Variants in ARHGEF12 observed in about 807,000 individuals in gnomAD.
The protein encoded by ARHGEF12 is Rho guanine nucleotide exchange factor 12.
In ARHGEF12, 66 loss-of-function variants were observed where a neutral mutation model predicts 211.2. The ratio of observed to expected loss-of-function variants is 0.31; its 90% CI spans 0.26 to 0.38. The LOEUF (loss-of-function observed/expected upper bound fraction) is 0.38. Ranked by LOEUF, ARHGEF12 falls within the 10% of genes least tolerant of loss-of-function variation. The probability of loss-of-function intolerance (pLI) is 1.00; values close to 1 mark genes in which losing one functional copy is unlikely to be tolerated. For synonymous variants in ARHGEF12, 592 were observed against 638.4 expected (o/e 0.93, Z 1.09); for missense variants, 1,429 against 1,869.5 (o/e 0.76, Z 4.34).
chr11:120,460,647 C>A, intron 26 of ARHGEF12, 25 bp from the exon 27 acceptor site: 1 of 1,596,610 alleles, frequency 6.3e-7, no homozygotes, highest in Non-Finnish European at 8.6e-7. Context: ...GTGTTACTAA[C>A]GTTTTTCTAT....
chr11:120,377,274 G>C (rs1005740186), intron 1 of ARHGEF12, among the ~76,000 whole-genome samples: 3 of 151,926 alleles, frequency 2.0e-5, no homozygotes, highest in Non-Finnish European at 2.9e-5. Context: ...TGTCACAATA[G>C]TTTTGCCTTT....
At chr11:120,375,736 A>C (rs1423533617) in intron 1 of ARHGEF12, among the ~76,000 whole-genome samples, 4 of 152,056 alleles carry the variant, frequency 2.6e-5, no homozygotes, top group Non-Finnish European at 5.9e-5. Context: ...TAAAGTCTGT[A>C]GTTTATTCAG....
intron 4 of ARHGEF12, among the ~76,000 whole-genome samples, chr11:120,414,425 T>G: frequency 8.6e-6 from 1 of 115,944 alleles, no homozygotes; most frequent in East Asian, 2.2e-4. Flanking sequence ...AATGTTTGAG[T>G]ATTTTATTTA....
intron 1 of ARHGEF12, among the ~76,000 whole-genome samples, chr11:120,397,053 A>G (rs1184762021): frequency 6.6e-6 from 1 of 152,196 alleles, no homozygotes; most frequent in African/African-American, 2.4e-5. Flanking sequence ...ATTCTCCTAA[A>G]AATATTATGA....
At chr11:120,467,353 C>A in intron 29 of ARHGEF12, 45 bp downstream of exon 29, 1 of 1,169,096 alleles carries the variant, frequency 8.6e-7, no homozygotes, top group Non-Finnish European at 1.3e-6. Flanking sequence ...ACAACAACAA[C>A]GAAACACCCA....
At chr11:120,347,183 C>CCTTT (rs58396345) in intron 1 of ARHGEF12, among the ~76,000 whole-genome samples, 1,256 of 100,282 alleles carry the variant, frequency 0.013, 90 homozygotes, top group Admixed American at 0.085. Context: ...TTCCTTCCTT[C>CCTTT]CTTTCTTTCT....
At chr11:120,367,353 CTTTTTTTT>C (rs1025919456) in intron 1 of ARHGEF12, among the ~76,000 whole-genome samples, 23 of 59,350 alleles carry the variant, frequency 3.9e-4, no homozygotes, top group African/African-American at 9.3e-4. Context: ...ATACTTTTTC[CTTTTTTTT>C]TTTTTTTTTT....
intron 1 of ARHGEF12, among the ~76,000 whole-genome samples, chr11:120,352,678 C>T (rs1484878603): frequency 6.6e-6 from 1 of 152,162 alleles, no homozygotes; most frequent in Middle Eastern, 3.2e-3. Flanking sequence ...TTGCCTCTGC[C>T]TGAGTTACAG....
Position 120,395,056 on chromosome 11 carries a change from C to CAA in ARHGEF12, c.33-11039_33-11038dup, listed in dbSNP as rs758953056. Among the ~76,000 whole-genome samples the CAA allele has an allele frequency of 5.6e-3, 193 of 34,222 alleles. 1 individual carries two copies. The highest frequency in any genetic ancestry group is 6.8e-3 in the African/African-American group (66 of 9,660). 22.5% of individuals were successfully genotyped at this position (34,222 alleles called of 152,430 possible). ...TGCCCAACAGAGCAAGACTCTATCT[C>CAA]AAAAAAAAAAAAAAAAAAAAAAAAG... On this transcript the variant is annotated intron_variant, in intron 1 of 40. Transcript: ENST00000397843.
At chr11:120,391,758 C>T (rs988278073) in intron 1 of ARHGEF12, among the ~76,000 whole-genome samples, 4 of 152,132 alleles carry the variant, frequency 2.6e-5, no homozygotes, top group African/African-American at 9.7e-5. Context: ...AACTTAATAG[C>T]GCCTCCCATT....
At chr11:120,398,155 T>C (rs1378439655) in intron 1 of ARHGEF12, among the ~76,000 whole-genome samples, 4 of 152,180 alleles carry the variant, frequency 2.6e-5, no homozygotes, top group Non-Finnish European at 5.9e-5. Flanking sequence ...GAAAATGTTA[T>C]AAAAAATATT....
chr11:120,459,375 T>A (rs1441226305), intron 26 of ARHGEF12, 55 bp downstream of exon 26: 2 of 1,563,170 alleles, frequency 1.3e-6, no homozygotes, highest in African/African-American at 1.4e-5. Context: ...GAGAAAAGAT[T>A]GTGAGTTTAA....
intron 1 of ARHGEF12, among the ~76,000 whole-genome samples, chr11:120,358,956 C>T (rs1943204496): frequency 6.6e-6 from 1 of 152,090 alleles, no homozygotes; most frequent in Non-Finnish European, 1.5e-5. Flanking sequence ...AGGTGACTTA[C>T]TCATGCTGGT....
chr11:120,456,591 G>A (rs531267306), intron 22 of ARHGEF12, among the ~76,000 whole-genome samples: 1 of 152,292 alleles, frequency 6.6e-6, no homozygotes, highest in East Asian at 1.9e-4. Flanking sequence ...GATTGATACT[G>A]GGAGTAGAAA....
At chr11:120,454,960 C>A (rs1403156181) in intron 22 of ARHGEF12, among the ~76,000 whole-genome samples, 1 of 152,098 alleles carries the variant, frequency 6.6e-6, no homozygotes, top group African/African-American at 2.4e-5. Flanking sequence ...TTAGGCTCCA[C>A]CCCTGAGGGG....
chr11:120,360,680 A>C (rs1943253562), intron 1 of ARHGEF12, among the ~76,000 whole-genome samples: 4 of 152,230 alleles, frequency 2.6e-5, no homozygotes, highest in Admixed American at 1.3e-4. Context: ...GGCGTGAGCC[A>C]CCATGCCTGG....
In ARHGEF12 at chr11:120,481,546, T is replaced by G. The variant is rs777925795; in HGVS notation, c.4524T>G (p.His1508Gln). ...AGAGCCAGATCATGGAGTACATTCATAAGATAGAGGCTGACCTTGAACACT... is the reference window on the plus strand; with the variant it reads ...AGAGCCAGATCATGGAGTACATTCAGAAGATAGAGGCTGACCTTGAACACT... ...DSQSQIMEYI[H>Q]KIEADLEHLK... Residue 1508 changes from histidine to glutamine, a missense_variant, in exon 39 of 41, where the codon CAT (histidine) becomes CAG (glutamine). This residue lies in a region of ARHGEF12 where 467 missense variants were observed against 468.4 expected (regional missense o/e 1.00). Coordinates refer to ENST00000397843, the MANE Select transcript of ARHGEF12 (RefSeq NM_015313.3). The G allele has an allele frequency of 1.2e-6, 2 of 1,614,208 alleles. No individual in the cohort carries two copies. The highest frequency in any genetic ancestry group is 1.7e-5 in the Admixed American group (1 of 60,020).
intron 18 of ARHGEF12, 21 bp downstream of exon 18, chr11:120,447,106 TG>T: frequency 1.2e-6 from 2 of 1,611,500 alleles, no homozygotes; most frequent in African/African-American, 1.3e-5. Flanking sequence ...GAAGTATATG[TG>T]GAAATGCCCT....
chr11:120,349,973 T>C (rs1016612977), intron 1 of ARHGEF12, among the ~76,000 whole-genome samples: 4 of 152,214 alleles, frequency 2.6e-5, no homozygotes, highest in Non-Finnish European at 4.4e-5. Flanking sequence ...GTGGAACATC[T>C]CTTCACAAAA....
Sources: allele counts gnomAD v4.1 joint callset (sites outside exome capture counted in the v4.1 genomes callset), GRCh38; gene constraint gnomAD v4.1.1; regional missense constraint gnomAD v4.1.1; transcripts MANE v1.5; gene names NCBI Gene and HGNC (gene_info 2026-07-23, HGNC 2026-07-21).